The following ELL2 variants were observed in gnomAD, a reference collection of about 807,000 sequenced individuals.
ELL2 encodes the protein RNA polymerase II elongation factor ELL2.
A neutral mutation model predicts 72.8 loss-of-function variants in ELL2; 21 were observed. That is an observed-to-expected ratio of 0.29 (90% CI 0.20 to 0.42). The LOEUF is 0.42. ELL2 is among the 10% of genes least tolerant of loss of function. The pLI is 1.00. For synonymous variants in ELL2, 266 were observed against 283.2 expected (o/e 0.94, Z 0.61); for missense variants, 568 against 772.8 (o/e 0.73, Z 3.14).
At chr5:95,931,645 A>G (rs1287353648) in intron 2 of ELL2, among the ~76,000 whole-genome samples, 4 of 152,118 alleles carry the variant, frequency 2.6e-5, no homozygotes, top group African/African-American at 7.2e-5. Context: ...ACAACTAGCA[A>G]TATTTCCAAC....
chr5:95,889,307 G>A (rs1404288455), intron 10 of ELL2, among the ~76,000 whole-genome samples, 177 bp from the exon 11 acceptor site: 1 of 152,154 alleles, frequency 6.6e-6, no homozygotes, highest in Non-Finnish European at 1.5e-5. Flanking sequence ...ATGCAAAATC[G>A]ACTCAGCAAT....
intron 2 of ELL2, among the ~76,000 whole-genome samples, chr5:95,939,633 T>C (rs991510409): frequency 6.6e-6 from 1 of 152,224 alleles, no homozygotes; most frequent in Non-Finnish European, 1.5e-5. Flanking sequence ...TCTGCCTCTA[T>C]TAACTGTGTG....
chr5:95,900,839 A>C, intron 6 of ELL2, 59 bp from the exon 7 acceptor site: 1 of 1,563,786 alleles, frequency 6.4e-7, no homozygotes, highest in African/African-American at 1.4e-5. Flanking sequence ...TCATGATAGA[A>C]AGCTTGCCTT....
At chr5:95,919,861 A>T (rs1306597612) in intron 2 of ELL2, among the ~76,000 whole-genome samples, 2 of 152,198 alleles carry the variant, frequency 1.3e-5, no homozygotes, top group Admixed American at 1.3e-4. Context: ...TGAAAGAGTT[A>T]TTAGTGAATT....
intron 1 of ELL2, among the ~76,000 whole-genome samples, chr5:95,955,042 A>C (rs1751580430): frequency 6.6e-6 from 1 of 152,176 alleles, no homozygotes; most frequent in Non-Finnish European, 1.5e-5. Flanking sequence ...CTTGCCCTTC[A>C]TGTTAAGCAG....
intron 5 of ELL2, among the ~76,000 whole-genome samples, chr5:95,901,700 A>G (rs1213056314): frequency 6.6e-6 from 1 of 152,238 alleles, no homozygotes; most frequent in Admixed American, 6.5e-5. Context: ...TTGAAAACGG[A>G]GATGGCTAGT....
rs530857817 is a variant in ELL2 at position 95,916,621 on chromosome 5, G to A, written c.318-2687C>T. Among the ~76,000 whole-genome samples the A allele has an allele frequency of 8.5e-5, 13 of 152,286 alleles. No individual in the cohort carries two copies. The South Asian group carries it at 2.5e-3, about 29-fold the overall frequency. On this transcript the variant is annotated intron_variant, in intron 3 of 11. Transcript: ENST00000237853. ...GGGAGGTCACAGCTCCCTTGGGGAA[G>A]CAGTTTCAGTGGAATGGTGGGCACT...
intron 4 of ELL2, among the ~76,000 whole-genome samples, chr5:95,907,468 C>G (rs1561495086): frequency 6.6e-6 from 1 of 152,018 alleles, no homozygotes; most frequent in African/African-American, 2.4e-5. Context: ...TCACACCATT[C>G]TCACATGGGC....
chr5:95,950,925 T>TGTATGTATGTAC (rs1561515397), intron 1 of ELL2, among the ~76,000 whole-genome samples: 2 of 112,482 alleles, frequency 1.8e-5, no homozygotes, highest in African/African-American at 7.8e-5. Flanking sequence ...TATATATATA[T>TGTATGTATGTAC]ATATATATAT....
chr5:95,891,329 A>G, intron 9 of ELL2, 55 bp from the exon 10 acceptor site: 1 of 1,528,576 alleles, frequency 6.5e-7, no homozygotes, highest in Non-Finnish European at 8.8e-7. Flanking sequence ...TGATTGCACA[A>G]GTCTGAGATT....
intron 7 of ELL2, among the ~76,000 whole-genome samples, chr5:95,899,121 C>G (rs1484458375): frequency 1.3e-5 from 2 of 152,196 alleles, no homozygotes; most frequent in Non-Finnish European, 2.9e-5. Context: ...CAGCTTTACC[C>G]TAAGTTCCAA....
intron 4 of ELL2, 56 bp downstream of exon 4, chr5:95,913,715 G>A (rs1749684894): frequency 1.4e-6 from 2 of 1,469,022 alleles, no homozygotes; most frequent in Non-Finnish European, 1.8e-6. Flanking sequence ...TTTACCTATG[G>A]TGATCTTGAA....
intron 5 of ELL2, 128 bp from the exon 6 acceptor site, chr5:95,901,208 G>A (rs752439952): frequency 3.6e-5 from 35 of 967,834 alleles, no homozygotes; most frequent in Non-Finnish European, 4.7e-5. Flanking sequence ...TGCTAGTTTT[G>A]TATTATATGC....
intron 6 of ELL2, 32 bp downstream of exon 6, chr5:95,900,924 A>T: frequency 6.3e-7 from 1 of 1,577,200 alleles, no homozygotes; most frequent in Non-Finnish European, 8.5e-7. Flanking sequence ...TTAAAGAAAC[A>T]TTTTTTTAAA....
chr5:95,916,116 C>T (rs141921396), intron 3 of ELL2, among the ~76,000 whole-genome samples: 3 of 151,600 alleles, frequency 2.0e-5, no homozygotes, highest in African/African-American at 7.3e-5. Context: ...TAGAATAGTA[C>T]ACAGCTTCCA....
intron 10 of ELL2, 52 bp from the exon 11 acceptor site, chr5:95,889,182 GCAATA>G (rs1375643956): frequency 7.1e-7 from 1 of 1,401,764 alleles, no homozygotes; most frequent in Non-Finnish European, 9.9e-7. Flanking sequence ...TTTGTGTGTG[GCAATA>G]CAAATAGATA....
intron 2 of ELL2, among the ~76,000 whole-genome samples, chr5:95,920,189 C>T (rs924652921): frequency 6.6e-6 from 1 of 152,020 alleles, no homozygotes; most frequent in Admixed American, 6.5e-5. Context: ...TTCTGTAGGT[C>T]ACTCCTAGGC....
chr5:95,926,117 A>G (rs1750271865), intron 2 of ELL2, among the ~76,000 whole-genome samples: 1 of 151,754 alleles, frequency 6.6e-6, no homozygotes, highest in Admixed American at 6.6e-5. Context: ...CACATGTGCT[A>G]TTTTTTAAAC....
At chr5:95,948,287 C>T (rs1375017821) in intron 1 of ELL2, among the ~76,000 whole-genome samples, 2 of 151,782 alleles carry the variant, frequency 1.3e-5, no homozygotes, top group Admixed American at 6.6e-5. Flanking sequence ...AAAAATTAGC[C>T]GGGTGTGGTG....
Sources: gnomAD v4.1 joint callset for allele counts (sites outside exome capture counted in the v4.1 genomes callset) on GRCh38, gnomAD v4.1.1 for gene constraint, MANE v1.5 for transcripts, NCBI Gene and HGNC (gene_info 2026-07-23, HGNC 2026-07-21) for gene names.